LRRC4C: variants seen among roughly 807,000 people sequenced by gnomAD.
LRRC4C encodes the protein leucine-rich repeat-containing protein 4C.
LRRC4C carries 5 observed loss-of-function variants against 33.6 expected under a neutral mutation model. The observed-to-expected ratio is 0.15, with a 90% CI of 0.08 to 0.31. The LOEUF (loss-of-function observed/expected upper bound fraction) is 0.31, where lower values mean the gene tolerates loss of function less well. Ranked by LOEUF, LRRC4C falls within the 10% of genes least tolerant of loss-of-function variation. The pLI is 1.00. For missense variants in LRRC4C, 560 were observed against 796.7 expected (o/e 0.70, Z 3.58); for synonymous variants, 329 against 302.0 (o/e 1.09, Z -0.93).
At chr11:40,607,959 A>C (rs1251570736) in intron 3 of LRRC4C, among the ~76,000 whole-genome samples, 1 of 152,070 alleles carries the variant, frequency 6.6e-6, no homozygotes, top group Non-Finnish European at 1.5e-5. Context: ...CCAAAGAAGC[A>C]AGCCACTTCT....
intron 5 of LRRC4C, among the ~76,000 whole-genome samples, chr11:40,155,970 G>A (rs576517059): frequency 5.3e-5 from 8 of 152,008 alleles, no homozygotes; most frequent in East Asian, 1.9e-4. Flanking sequence ...CTAGCTAACC[G>A]AATCCAGCAA....
In LRRC4C at chr11:40,471,048, C is replaced by T. The variant is rs200076647; in HGVS notation, c.-269-151327G>A. ...AAATACAGAGAACACCACAAAGGTA[C>T]TCCTTGAGAAGAGCAATCCCAAGAC... On this transcript the variant is annotated intron_variant, in intron 3 of 6. Coordinates refer to ENST00000528697, the MANE Select transcript of LRRC4C (RefSeq NM_001258419.2). Among the ~76,000 whole-genome samples the T allele has an allele frequency of 1.1e-4, 16 of 152,248 alleles. No individual in the cohort carries two copies. The East Asian group carries it at 2.7e-3, about 26-fold the overall frequency.
chr11:41,361,819 C>T (rs750350130), intron 1 of LRRC4C, among the ~76,000 whole-genome samples: 1 of 151,976 alleles, frequency 6.6e-6, no homozygotes, highest in East Asian at 1.9e-4. Context: ...TATTTTAATG[C>T]CAACTATTAT....
At chr11:41,345,245 C>T (rs866243020) in intron 1 of LRRC4C, among the ~76,000 whole-genome samples, 6 of 152,132 alleles carry the variant, frequency 3.9e-5, no homozygotes, top group African/African-American at 1.2e-4. Flanking sequence ...TATATCCCTA[C>T]ACTTGAAGAC....
intron 4 of LRRC4C, among the ~76,000 whole-genome samples, chr11:40,271,300 C>G (rs1372179429): frequency 4.6e-5 from 7 of 152,116 alleles, no homozygotes; most frequent in Non-Finnish European, 1.0e-4. Context: ...TTCAACAACA[C>G]TGAATAGGAG....
intron 1 of LRRC4C, among the ~76,000 whole-genome samples, chr11:41,202,008 T>G (rs545037905): frequency 1.3e-5 from 2 of 152,140 alleles, no homozygotes; most frequent in East Asian, 1.9e-4. Context: ...GTTTTGACCA[T>G]CAGTCCTCCT....
At chr11:40,588,618 C>G (rs1013084096) in intron 3 of LRRC4C, among the ~76,000 whole-genome samples, 1 of 151,734 alleles carries the variant, frequency 6.6e-6, no homozygotes, top group African/African-American at 2.4e-5. Flanking sequence ...GTATTTAGTG[C>G]TATAAATTTC....
At chr11:40,475,126 C>T (rs1466709359) in intron 3 of LRRC4C, among the ~76,000 whole-genome samples, 1 of 152,106 alleles carries the variant, frequency 6.6e-6, no homozygotes, top group Non-Finnish European at 1.5e-5. Flanking sequence ...GAGTATAAAT[C>T]ATTCTATTAC....
chr11:40,805,327 G>C (rs973431967), intron 2 of LRRC4C, among the ~76,000 whole-genome samples: 2 of 152,156 alleles, frequency 1.3e-5, no homozygotes, highest in Admixed American at 6.5e-5. Context: ...AGTGGAAAAG[G>C]GGGAGGAAAA....
intron 1 of LRRC4C, among the ~76,000 whole-genome samples, chr11:41,365,571 T>C (rs1952505112): frequency 6.6e-6 from 1 of 152,126 alleles, no homozygotes; most frequent in African/African-American, 2.4e-5. Flanking sequence ...TTAATAAATA[T>C]GAAATAGCAT....
chr11:41,099,036 A>G (rs80066581), intron 1 of LRRC4C, among the ~76,000 whole-genome samples: 1,702 of 152,216 alleles, frequency 0.011, 41 homozygotes, highest in African/African-American at 0.039. Flanking sequence ...AGAAACAACA[A>G]TCAGAGACTG....
chr11:40,833,247 A>G (rs1952499692), intron 2 of LRRC4C, among the ~76,000 whole-genome samples: 1 of 152,142 alleles, frequency 6.6e-6, no homozygotes, highest in Non-Finnish European at 1.5e-5. Context: ...GCTGGGCATT[A>G]TTATCAGAAT....
chr11:40,925,125 C>CTCTCTT (rs1356054592), intron 2 of LRRC4C, among the ~76,000 whole-genome samples: 2 of 149,444 alleles, frequency 1.3e-5, no homozygotes, highest in Non-Finnish European at 3.0e-5. Context: ...CCAAATATTT[C>CTCTCTT]TCTCTCTCTC....
intron 1 of LRRC4C, among the ~76,000 whole-genome samples, chr11:41,441,453 G>T (rs1213441551): frequency 2.6e-5 from 4 of 151,512 alleles, no homozygotes; most frequent in African/African-American, 4.9e-5. Flanking sequence ...GGGCTAGAGG[G>T]TTTATCAGCC....
intron 3 of LRRC4C, among the ~76,000 whole-genome samples, chr11:40,385,666 A>G (rs1318824663): frequency 6.6e-6 from 1 of 151,956 alleles, no homozygotes; most frequent in Non-Finnish European, 1.5e-5. Flanking sequence ...CAAGAGATCG[A>G]GACCATCCTG....
chr11:40,363,934 AT>A, intron 3 of LRRC4C, among the ~76,000 whole-genome samples: 1 of 152,160 alleles, frequency 6.6e-6, no homozygotes, highest in Non-Finnish European at 1.5e-5. Flanking sequence ...TGATTATAAT[AT>A]TTTTTGCTTA....
intron 1 of LRRC4C, among the ~76,000 whole-genome samples, chr11:41,229,792 C>G (rs1947700908): frequency 6.6e-6 from 1 of 152,062 alleles, no homozygotes; most frequent in Admixed American, 6.6e-5. Flanking sequence ...TCACACCGAG[C>G]ATTTAATGAT....
chr11:40,877,752 T>C (rs1954976826), intron 2 of LRRC4C, among the ~76,000 whole-genome samples: 1 of 152,184 alleles, frequency 6.6e-6, no homozygotes, highest in African/African-American at 2.4e-5. Flanking sequence ...CTGTTCTTCA[T>C]GTTCACATTA....
chr11:41,106,595 G>A (rs1324304049), intron 1 of LRRC4C, among the ~76,000 whole-genome samples: 1 of 152,034 alleles, frequency 6.6e-6, no homozygotes, highest in African/African-American at 2.4e-5. Context: ...ATTACGTAGG[G>A]CATACTGCTT....
Sources: gnomAD v4.1 joint callset for allele counts (sites outside exome capture counted in the v4.1 genomes callset) on GRCh38, gnomAD v4.1.1 for gene constraint, MANE v1.5 for transcripts, NCBI Gene and HGNC (gene_info 2026-07-23, HGNC 2026-07-21) for gene names.